The following AKAP9 variants were observed in gnomAD, a reference collection of about 807,000 sequenced individuals.
AKAP9 encodes the protein A-kinase anchoring protein 9.
A neutral mutation model predicts 488.5 loss-of-function variants in AKAP9; 311 were observed. That is an observed-to-expected ratio of 0.64 (90% CI 0.58 to 0.70). The LOEUF (loss-of-function observed/expected upper bound fraction) is 0.70, where lower values mean the gene tolerates loss of function less well. Ranked by LOEUF, AKAP9 falls within the 30% of genes least tolerant of loss-of-function variation. AKAP9 has a pLI of 0.00. For missense variants in AKAP9, 4,215 were observed against 4,374.5 expected (o/e 0.96, Z 1.03); for synonymous variants, 1,462 against 1,483.5 (o/e 0.99, Z 0.33).
intron 2 of AKAP9, 54 bp downstream of exon 2, chr7:91,974,022 T>C (rs1325194177): frequency 3.1e-6 from 5 of 1,599,792 alleles, no homozygotes; most frequent in Admixed American, 1.7e-5. Flanking sequence ...AAAGTAGTCA[T>C]AACAACAGTC....
intron 10 of AKAP9, 70 bp from the exon 11 acceptor site, chr7:92,016,059 T>C: frequency 7.5e-7 from 1 of 1,338,268 alleles, no homozygotes. Context: ...TCTAGGAGAA[T>C]TATGTTTAAT....
In AKAP9 at chr7:92,102,704, C is replaced by G; in HGVS notation, c.11208C>G (p.Thr3736=). 6.2e-7 allele frequency: 1 copy of G among 1,614,200 alleles called. No individual in the cohort carries two copies. The highest frequency in any genetic ancestry group is 8.5e-7 in the Non-Finnish European group (1 of 1,180,040). ...LGGFQECEDA[T]LALLARMGGQ... is the part of the protein sequence containing the mutation. ...GGTTCCAGGAATGTGAAGATGCCAC[C>G]TTGGCCCTGCTTGCCCGGATGGGGG... Residue 3736 remains threonine, a synonymous_variant, in exon 46 of 50, where the codon ACC becomes ACG. Coordinates refer to ENST00000356239, the MANE Select transcript of AKAP9 (RefSeq NM_005751.5).
At chr7:92,010,938 T>TTG (rs1205896648) in intron 8 of AKAP9, among the ~76,000 whole-genome samples, 2 of 152,142 alleles carry the variant, frequency 1.3e-5, no homozygotes, top group Non-Finnish European at 2.9e-5. Flanking sequence ...TAAGTACAAG[T>TTG]TACTGTGTCC....
Position 92,089,389 on chromosome 7 carries a change from T to A in AKAP9, c.9218T>A (p.Val3073Asp), listed in dbSNP as rs1563124371. 6.2e-7 allele frequency: 1 copy of A among 1,611,708 alleles called. No individual in the cohort carries two copies. Among genetic ancestry groups the A allele is most frequent in the South Asian group, 1.1e-5 (1 of 90,984 alleles). The change falls in exon 38 of 50, where the codon GTT (valine) becomes GAT (aspartate). Residue 3073 changes from valine to aspartate, a missense_variant. This residue lies in a region of AKAP9 where 1,476 missense variants were observed against 1,477.4 expected (regional missense o/e 1.00). Transcript: ENST00000356239. ...CLEQRIQEQG[V>D]EYQAAMECLQ... Reference sequence around the variant, plus strand: ...TTTTACCTTCCTTTGTTACAGGGTGTTGAATATCAAGCAGCTATGGAATGC... The same window carrying A: ...TTTTACCTTCCTTTGTTACAGGGTGATGAATATCAAGCAGCTATGGAATGC...
intron 37 of AKAP9, 98 bp from the exon 38 acceptor site, chr7:92,089,287 G>T: frequency 7.4e-7 from 1 of 1,356,746 alleles, no homozygotes; most frequent in Non-Finnish European, 1.0e-6. Context: ...GAAAATTTTA[G>T]TATGTGTGTT....
chr7:91,962,391 A>G (rs1191578318), intron 1 of AKAP9, among the ~76,000 whole-genome samples: 1 of 152,116 alleles, frequency 6.6e-6, no homozygotes, highest in Non-Finnish European at 1.5e-5. Flanking sequence ...GTTTTAATTC[A>G]TTTAATAAGT....
chr7:92,108,609 AGAC>A lies in AKAP9; in HGVS notation c.11666_11668del (p.Arg3889del). ...TATCACTCGGCTAGAGGCACTGCAAAGACGACTTGGAACTATACAGTCAGGTGC... is the reference window on the plus strand; with the variant it reads ...TATCACTCGGCTAGAGGCACTGCAAAGACTTGGAACTATACAGTCAGGTGC... On this transcript the variant is annotated inframe_deletion, in exon 49 of 50. Transcript: ENST00000356239. The A allele has an allele frequency of 1.2e-6, 2 of 1,614,202 alleles. No individual in the cohort carries two copies. The highest frequency in any genetic ancestry group is 1.7e-6 in the Non-Finnish European group (2 of 1,180,038).
At chr7:92,027,505 G>T (rs1403587860) in intron 14 of AKAP9, among the ~76,000 whole-genome samples, 1 of 132,592 alleles carries the variant, frequency 7.5e-6, no homozygotes, top group Non-Finnish European at 1.6e-5. Flanking sequence ...CCTCTGCCCA[G>T]CCGCCCTTCG....
At chr7:92,101,590 G>C (rs1223215128) in intron 45 of AKAP9, among the ~76,000 whole-genome samples, 3 of 152,158 alleles carry the variant, frequency 2.0e-5, no homozygotes, top group Non-Finnish European at 4.4e-5. Context: ...GTGGCAGCCT[G>C]GGCTCATGGT....
rs1420911580 is a variant in AKAP9, at chr7:92,079,770, T to C, written c.7637T>C (p.Ile2546Thr). 2 of 1,613,820 alleles carry C rather than the reference T, an allele frequency of 1.2e-6. No individual in the cohort carries two copies. Among genetic ancestry groups the C allele is most frequent in the East Asian group, 2.2e-5 (1 of 44,860 alleles). ...AAGAAGATTGTAAACCTACAGAAAA[T>C]AGTTGAAGAAAAAGTGGCTGCTGCT... Reference protein sequence around the residue: ...LQKKIVNLQKIVEEKVAAALV... With the variant: ...LQKKIVNLQKTVEEKVAAALV... Residue 2546 changes from isoleucine (I) to threonine (T), a missense_variant, in exon 31 of 50, where the codon ATA becomes ACA. Ile to Thr is a moderately conservative substitution (Grantham distance 89, BLOSUM62 -1). Coordinates refer to ENST00000356239, the MANE Select transcript of AKAP9 (RefSeq NM_005751.5).
chr7:92,085,077 T>G, intron 35 of AKAP9, 137 bp downstream of exon 35: 1 of 955,418 alleles, frequency 1.0e-6, no homozygotes, highest in South Asian at 1.5e-5. Context: ...GAGAGATCTA[T>G]TTTATTTCCA....
At chr7:92,066,241 A>C (rs1174767272) in intron 25 of AKAP9, among the ~76,000 whole-genome samples, 186 bp from the exon 26 acceptor site, 2 of 152,208 alleles carry the variant, frequency 1.3e-5, no homozygotes, top group Non-Finnish European at 2.9e-5. Context: ...AGGAGGCCAA[A>C]TAGGCTATAT....
intron 28 of AKAP9, among the ~76,000 whole-genome samples, chr7:92,075,993 T>C (rs963734129): frequency 2.6e-4 from 39 of 152,204 alleles, no homozygotes; most frequent in African/African-American, 8.7e-4. Flanking sequence ...ATAACAGAGA[T>C]GCTCCTGCAT....
chr7:91,956,494 A>G (rs369076747), intron 1 of AKAP9, among the ~76,000 whole-genome samples: 1 of 151,720 alleles, frequency 6.6e-6, no homozygotes, highest in Non-Finnish European at 1.5e-5. Context: ...AATAAGATAT[A>G]TGATATTGAT....
chr7:92,094,728 G>T (rs1029376635), intron 39 of AKAP9, among the ~76,000 whole-genome samples: 5 of 152,136 alleles, frequency 3.3e-5, no homozygotes, highest in Non-Finnish European at 1.5e-5. Flanking sequence ...AGCTACCCGG[G>T]AGGCTGAGGC....
chr7:91,973,087 A>C (rs1795283384), intron 1 of AKAP9, among the ~76,000 whole-genome samples: 1 of 152,212 alleles, frequency 6.6e-6, no homozygotes, highest in South Asian at 2.1e-4. Context: ...TCTAAAATCC[A>C]GAGCTTGGCC....
rs1809961019 is a variant in AKAP9 at position 92,062,131 on chromosome 7, G to C, written c.5765-143G>C. 1.3e-5 allele frequency: 9 copies of C among 702,684 alleles called. 1 individual carries two copies. The highest frequency in any genetic ancestry group is 4.1e-4 in the Middle Eastern group (1 of 2,466). 43.5% of individuals were successfully genotyped at this position (702,684 alleles called of 1,614,324 possible). A position where few individuals can be genotyped will look rare whatever the true frequency, so the allele number is the denominator to read the frequency against. On this transcript the variant is annotated intron_variant, in intron 23 of 49. Transcript: ENST00000356239. ...TAAAGGTTGATAGTTGCTGTGATGAGCAGCAAATTCATTCAAGACTTTTAA... is the reference window on the plus strand; with the variant it reads ...TAAAGGTTGATAGTTGCTGTGATGACCAGCAAATTCATTCAAGACTTTTAA...
At chr7:92,070,542 C>CGGAG (rs1955690205) in intron 27 of AKAP9, among the ~76,000 whole-genome samples, 2 of 152,026 alleles carry the variant, frequency 1.3e-5, no homozygotes, top group Non-Finnish European at 2.9e-5. Context: ...TCAAGCGATT[C>CGGAG]TTCTGCCTCA....
At chr7:92,090,175 CTTGT>C (rs1233594142) in intron 38 of AKAP9, 1 of 151,974 alleles carries the variant, frequency 6.6e-6, no homozygotes, top group Non-Finnish European at 1.5e-5. Context: ...TATTTTTTAT[CTTGT>C]TTCTTTCACC....
Sources: gnomAD v4.1 joint callset for allele counts (sites outside exome capture counted in the v4.1 genomes callset) on GRCh38, gnomAD v4.1.1 for gene constraint, gnomAD v4.1.1 regional missense constraint, MANE v1.5 for transcripts, NCBI Gene and HGNC (gene_info 2026-07-23, HGNC 2026-07-21) for gene names.